TMEM132D: variants seen among roughly 807,000 people sequenced by gnomAD.
The protein encoded by TMEM132D is transmembrane protein 132D, also known as mature OL transmembrane protein.
Under a neutral mutation model 62.3 loss-of-function variants are expected in TMEM132D, and 21 were observed. That is an observed-to-expected ratio of 0.34 (90% confidence interval 0.24 to 0.49). The LOEUF (loss-of-function observed/expected upper bound fraction) is 0.49, where lower values mean the gene tolerates loss of function less well. Ranked by LOEUF, TMEM132D falls within the 20% of genes least tolerant of loss-of-function variation. The pLI is 0.99. For synonymous variants in TMEM132D, 621 were observed against 575.6 expected, an observed-to-expected ratio of 1.08 and a Z score of -1.13; for missense variants, 1,346 against 1,402.8, an observed-to-expected ratio of 0.96 and a Z score of 0.65.
intron 5 of TMEM132D, among the ~76,000 whole-genome samples, chr12:129,170,656 C>T (rs1877693726): frequency 6.6e-6 from 1 of 152,018 alleles, no homozygotes; most frequent in Admixed American, 6.6e-5. Context: ...AAAACCCAGT[C>T]TCTACTAAAA....
At chr12:129,848,058 A>G (rs1194758851) in intron 1 of TMEM132D, among the ~76,000 whole-genome samples, 1 of 152,222 alleles carries the variant, frequency 6.6e-6, no homozygotes, top group Non-Finnish European at 1.5e-5. Context: ...ATGACTTTGC[A>G]TAATGTGTTG....
intron 2 of TMEM132D, among the ~76,000 whole-genome samples, chr12:129,619,289 C>G (rs1812793499): frequency 6.6e-6 from 1 of 152,154 alleles, no homozygotes; most frequent in Non-Finnish European, 1.5e-5. Context: ...ACAATGCATA[C>G]ATACGCTCAG....
In TMEM132D at chr12:129,654,493, T is replaced by TC. The variant is rs567280928; in HGVS notation, c.968+45316dup. The stretch of plus-strand genomic sequence containing the variant: ...GTACATGAAAAGAGTAAGATTTTCT[T>TC]CCCCCCTAATAACCAATTTTATGCC... On this transcript the variant is annotated intron_variant, in intron 2 of 8. Coordinates refer to ENST00000422113, the MANE Select transcript of TMEM132D (RefSeq NM_133448.3). Among the ~76,000 whole-genome samples, 13 of 152,178 alleles carry TC rather than the reference T, an allele frequency of 8.5e-5. No individual in the cohort carries two copies. In the South Asian group the frequency reaches 1.9e-3, roughly 22 times the overall value.
chr12:129,644,188 A>G (rs1428799520), intron 2 of TMEM132D, among the ~76,000 whole-genome samples: 1 of 152,180 alleles, frequency 6.6e-6, no homozygotes, highest in East Asian at 1.9e-4. Flanking sequence ...TATAAAACCA[A>G]GCTGTGCCCC....
chr12:129,096,674 T>C (rs1489703940), intron 5 of TMEM132D, among the ~76,000 whole-genome samples: 1 of 152,158 alleles, frequency 6.6e-6, no homozygotes, highest in Non-Finnish European at 1.5e-5. Context: ...AAAGTCTGAG[T>C]CTCTTTCCCC....
At chr12:129,415,081 T>C (rs1259697853) in intron 3 of TMEM132D, among the ~76,000 whole-genome samples, 1 of 152,200 alleles carries the variant, frequency 6.6e-6, no homozygotes, top group Non-Finnish European at 1.5e-5. Context: ...GGCACCTAAG[T>C]TGTTTCCGTA....
intron 1 of TMEM132D, among the ~76,000 whole-genome samples, chr12:129,781,839 G>A (rs1026189500): frequency 4.6e-5 from 7 of 152,142 alleles, no homozygotes; most frequent in African/African-American, 1.4e-4. Context: ...GCTAAAATCC[G>A]GGAGTTAACT....
intron 4 of TMEM132D, among the ~76,000 whole-genome samples, chr12:129,292,665 A>T (rs1006110286): frequency 6.6e-6 from 1 of 152,248 alleles, no homozygotes; most frequent in Admixed American, 6.5e-5. Context: ...TCACTCAGAA[A>T]GTGCAATTGA....
At chr12:129,472,178 G>T (rs1358162693) in intron 3 of TMEM132D, among the ~76,000 whole-genome samples, 1 of 152,168 alleles carries the variant, frequency 6.6e-6, no homozygotes, top group Non-Finnish European at 1.5e-5. Flanking sequence ...TTCACAGCTG[G>T]AGAGGAGAAG....
chr12:129,775,182 A>G (rs1215515143), intron 1 of TMEM132D, among the ~76,000 whole-genome samples: 2 of 152,254 alleles, frequency 1.3e-5, no homozygotes, highest in South Asian at 4.1e-4. Flanking sequence ...AATCATTAAA[A>G]GTGTTGCTAT....
At chr12:129,895,972 T>TA (rs1391459378) in intron 1 of TMEM132D, among the ~76,000 whole-genome samples, 5 of 149,590 alleles carry the variant, frequency 3.3e-5, no homozygotes, top group Non-Finnish European at 7.4e-5. Context: ...TCTTTTTTTT[T>TA]TTTTTTTTTT....
intron 1 of TMEM132D, among the ~76,000 whole-genome samples, chr12:129,738,828 A>G (rs2137257806): frequency 6.6e-6 from 1 of 152,312 alleles, no homozygotes; most frequent in Admixed American, 6.5e-5. Flanking sequence ...ACCTGCTTTC[A>G]TTCTGCGAGA....
At chr12:129,313,920 G>T (rs1322672108) in intron 4 of TMEM132D, among the ~76,000 whole-genome samples, 1 of 152,122 alleles carries the variant, frequency 6.6e-6, no homozygotes, top group Non-Finnish European at 1.5e-5. Flanking sequence ...GAGTAAGGTG[G>T]TATCACATTG....
intron 3 of TMEM132D, among the ~76,000 whole-genome samples, chr12:129,458,750 T>C (rs1442737985): frequency 6.6e-6 from 1 of 152,176 alleles, no homozygotes; most frequent in African/African-American, 2.4e-5. Flanking sequence ...CAGGCTCATA[T>C]TCGGCCGATG....
At chr12:129,875,755 CAGGG>C (rs1874399354) in intron 1 of TMEM132D, among the ~76,000 whole-genome samples, 1 of 152,126 alleles carries the variant, frequency 6.6e-6, no homozygotes, top group Non-Finnish European at 1.5e-5. Flanking sequence ...CCAGCCCAGC[CAGGG>C]CTTCCGATTT....
chr12:129,746,095 A>G (rs1217447510), intron 1 of TMEM132D, among the ~76,000 whole-genome samples: 1 of 152,224 alleles, frequency 6.6e-6, no homozygotes, highest in East Asian at 1.9e-4. Context: ...AAGCCAATGA[A>G]TCCACTTTGC....
rs745372878 is a variant in TMEM132D at position 129,078,563 on chromosome 12, C to G, written c.2086G>C (p.Ala696Pro). ...TTTGGCCTCTGCAGAAGTTCCTGAG[C>G]CACTGCAGTGGCAAAGATGGCCCTG... ...SNRAIFATAV[A>P]QELLQRPKQE... Residue 696 changes from alanine (A) to proline (P), a missense_variant, in exon 8 of 9, where the codon GCT becomes CCT. By Grantham distance (27) the Ala-to-Pro change is conservative. Transcript: ENST00000422113. The G allele has an allele frequency of 6.2e-7, 1 of 1,614,068 alleles. No individual in the cohort carries two copies. Among genetic ancestry groups the G allele is most frequent in the South Asian group, 1.1e-5 (1 of 91,066 alleles).
Position 129,302,275 on chromosome 12 carries a change from C to T in TMEM132D, c.1299+35359G>A, listed in dbSNP as rs575993490. ...GATTATAGGTGTGCACCACCATACC[C>T]GGCTAATTTTTGTAGTTTTCGTAGA... On this transcript the variant is annotated intron_variant, in intron 4 of 8. Transcript: ENST00000422113. 1.3e-4 allele frequency among the ~76,000 whole-genome samples: 20 copies of T among 152,288 alleles called. No homozygotes were observed. The South Asian group carries it at 2.5e-3, about 19-fold the overall frequency.
chr12:129,452,738 G>A (rs1040658482), intron 3 of TMEM132D, among the ~76,000 whole-genome samples: 4 of 152,142 alleles, frequency 2.6e-5, no homozygotes, highest in African/African-American at 9.7e-5. Context: ...GAGAGACAGA[G>A]AAAAGGGTAG....
Sources: gnomAD v4.1 joint callset for allele counts (sites outside exome capture counted in the v4.1 genomes callset) on GRCh38, gnomAD v4.1.1 for gene constraint, MANE v1.5 for transcripts, NCBI Gene and HGNC (gene_info 2026-07-23, HGNC 2026-07-21) for gene names.